Variants in GPT2 observed in about 807,000 individuals in gnomAD.
GPT2 encodes alanine aminotransferase 2.
Under a neutral mutation model 56.9 loss-of-function variants are expected in GPT2, and 30 were observed. That is an observed-to-expected ratio of 0.53 (90% CI 0.39 to 0.72). The LOEUF (loss-of-function observed/expected upper bound fraction) is 0.72. GPT2 is among the 30% of genes least tolerant of loss of function. GPT2 has a pLI of 0.00. For missense variants in GPT2, 542 were observed against 703.4 expected, an observed-to-expected ratio of 0.77 and a Z score of 2.60; for synonymous variants, 271 against 283.1, an observed-to-expected ratio of 0.96 and a Z score of 0.43.
chr16:46,913,229 T>C (rs1961079117), intron 6 of GPT2, among the ~76,000 whole-genome samples: 1 of 152,244 alleles, frequency 6.6e-6, no homozygotes, highest in Non-Finnish European at 1.5e-5. Flanking sequence ...TCTCATTTCC[T>C]TTACTGGGCT....
In GPT2 at chr16:46,918,678, C is replaced by T; in HGVS notation, c.958C>T (p.Leu320=). 1 of 1,614,188 alleles carries T rather than the reference C, an allele frequency of 6.2e-7. No homozygotes were observed. The highest frequency in any genetic ancestry group is 8.5e-7 in the Non-Finnish European group (1 of 1,180,012). Residue 320 remains leucine, a synonymous_variant, in exon 8 of 12, where the codon CTG becomes TTG. Transcript: ENST00000340124. ...CAGATTCCACTCCTTCAAGAAGGTG[C>T]TGTACGAGATGGGGCCCGAGTACTC... is the stretch of plus-strand genomic sequence containing the variant. ...DCRFHSFKKV[L]YEMGPEYSSN...
At position 46,898,949 on chromosome 16, in the gene GPT2, T is replaced by TAC. The variant is rs1444755621; in HGVS notation, c.333+1213_333+1214insCA. ...ATATGTGTATATATATACACACACA[T>TAC]ATATGTGTATATATATACACACACA... On this transcript the variant is annotated intron_variant, in intron 3 of 11. Coordinates refer to ENST00000340124, the MANE Select transcript of GPT2 (RefSeq NM_133443.4). Among the ~76,000 whole-genome samples the TAC allele has an allele frequency of 4.2e-4, 58 of 138,176 alleles. 1 individual carries two copies. Among genetic ancestry groups the TAC allele is most frequent in the Non-Finnish European group, 1.9e-4 (12 of 64,746 alleles). 90.6% of individuals were successfully genotyped at this position (138,176 alleles called of 152,430 possible). A position where few individuals can be genotyped will look rare whatever the true frequency, so the allele number is the denominator to read the frequency against.
At chr16:46,928,825 C>T in intron 11 of GPT2, 82 bp from the exon 12 acceptor site, 3 of 1,045,638 alleles carry the variant, frequency 2.9e-6, no homozygotes, top group Non-Finnish European at 4.5e-6. Context: ...CTCTTCCATT[C>T]CTAGAGGCAG....
intron 4 of GPT2, among the ~76,000 whole-genome samples, chr16:46,904,204 A>G (rs1374495360): frequency 7.9e-5 from 12 of 152,200 alleles, no homozygotes; most frequent in Admixed American, 7.9e-4. Context: ...CCCTGGAGGA[A>G]CCAAGAGTCA....
intron 11 of GPT2, 26 bp downstream of exon 11, chr16:46,927,063 G>C (rs371636142): frequency 7.0e-7 from 1 of 1,423,584 alleles, no homozygotes; most frequent in Non-Finnish European, 9.7e-7. Flanking sequence ...CGCACTAGGG[G>C]CTGGTCCGGG....
intron 8 of GPT2, among the ~76,000 whole-genome samples, chr16:46,920,032 C>T (rs908286531): frequency 2.6e-5 from 4 of 152,136 alleles, no homozygotes; most frequent in African/African-American, 7.2e-5. Context: ...TATAGCAAGA[C>T]CCCTTCTCTA....
In GPT2 at chr16:46,927,038, G is replaced by A. The variant is rs1270657323; in HGVS notation, c.1481+1G>A. The A allele has an allele frequency of 6.3e-7, 1 of 1,576,136 alleles. No homozygotes were observed. Among genetic ancestry groups the A allele is most frequent in the Admixed American group, 1.9e-5 (1 of 53,428 alleles). Reference sequence around the variant, plus strand: ...AGAGGGAAGGCACTTACCACTTCAGGTATGACTTCCTCTCCGCACTAGGGG... The same window carrying A: ...AGAGGGAAGGCACTTACCACTTCAGATATGACTTCCTCTCCGCACTAGGGG... On this transcript the variant is annotated splice_donor_variant, in intron 11 of 11. Coordinates refer to ENST00000340124, the MANE Select transcript of GPT2 (RefSeq NM_133443.4). LOFTEE classifies it high-confidence loss of function.
intron 2 of GPT2, 47 bp downstream of exon 2, chr16:46,885,005 GA>G (rs1960456381): frequency 7.1e-7 from 1 of 1,417,080 alleles, no homozygotes. Flanking sequence ...CTGAGCAAGG[GA>G]AAAACCGCAG....
At chr16:46,885,608 C>A in intron 2 of GPT2, 1 of 925,102 alleles carries the variant, frequency 1.1e-6, no homozygotes, top group Non-Finnish European at 1.3e-6. Flanking sequence ...GCCTGTCGGG[C>A]TTTGGTAAGG....
intron 6 of GPT2, among the ~76,000 whole-genome samples, chr16:46,914,026 C>T (rs1331341181): frequency 6.6e-6 from 1 of 152,160 alleles, no homozygotes; most frequent in African/African-American, 2.4e-5. Flanking sequence ...ACAAACATAG[C>T]CCTTGTTAAG....
Position 46,930,766 on chromosome 16 carries a change from G to A in GPT2, c.*1769G>A, listed in dbSNP as rs1047607202. 1 of 152,566 alleles carries A rather than the reference G, an allele frequency of 6.6e-6. No individual in the cohort carries two copies. The highest frequency in any genetic ancestry group is 6.5e-5 in the Admixed American group (1 of 15,268). 9.5% of individuals were successfully genotyped at this position (152,566 alleles called of 1,614,324 possible). On this transcript the variant is annotated 3_prime_UTR_variant, in exon 12 of 12. Coordinates refer to ENST00000340124, the MANE Select transcript of GPT2 (RefSeq NM_133443.4). ...AGTATTTATAGTCCTAACAAGTCCA[G>A]TAATTTTTTATAAATCTTCAGATTA...
intron 4 of GPT2, 67 bp from the exon 5 acceptor site, chr16:46,906,760 CTAATTATATGGATGT>C: frequency 6.4e-7 from 1 of 1,555,798 alleles, no homozygotes; most frequent in Non-Finnish European, 8.8e-7. Context: ...AGGCATCCCT[CTAATTATATGGATGT>C]TAATTATATT....
In GPT2 at chr16:46,894,811, G is replaced by A. The variant is rs191083193; in HGVS notation, c.244-2837G>A. On this transcript the variant is annotated intron_variant, in intron 2 of 11. Coordinates refer to ENST00000340124, the MANE Select transcript of GPT2 (RefSeq NM_133443.4). The stretch of plus-strand genomic sequence containing the variant: ...GTCCCGAGTAGCTGGGACTACAGGC[G>A]CCCGCCCCCACGCCTGGCTAAGTTT... 5.6e-3 allele frequency among the ~76,000 whole-genome samples: 845 copies of A among 152,160 alleles called. 4 individuals carry two copies. Among genetic ancestry groups the A allele is most frequent in the Non-Finnish European group, 6.6e-3 (450 of 67,986 alleles).
At chr16:46,901,873 G>T (rs559082471) in intron 4 of GPT2, among the ~76,000 whole-genome samples, 13 of 152,356 alleles carry the variant, frequency 8.5e-5, no homozygotes, top group African/African-American at 2.9e-4. Context: ...GTGGGCTGGG[G>T]CCTTGTGTGC....
intron 2 of GPT2, among the ~76,000 whole-genome samples, chr16:46,893,209 C>T (rs1161742700): frequency 6.6e-6 from 1 of 152,228 alleles, no homozygotes; most frequent in Non-Finnish European, 1.5e-5. Flanking sequence ...CGGCTCACTG[C>T]AGGCTCCGCC....
Position 46,900,710 on chromosome 16 carries a change from T to C in GPT2, c.362T>C (p.Leu121Pro). ...ATGGCACTATGCACCTACCCAAACC[T>C]GCTGGACAGCCCCAGCTTCCCAGAA... ...QVMALCTYPNLLDSPSFPEDA... is the reference protein window; with the variant it reads ...QVMALCTYPNPLDSPSFPEDA... Residue 121 changes from leucine to proline, a missense_variant, in exon 4 of 12, where the codon CTG (leucine) becomes CCG (proline). Coordinates refer to ENST00000340124, the MANE Select transcript of GPT2 (RefSeq NM_133443.4). 1 of 1,614,018 alleles carries C rather than the reference T, an allele frequency of 6.2e-7. No individual in the cohort carries two copies. The highest frequency in any genetic ancestry group is 8.5e-7 in the Non-Finnish European group (1 of 1,179,924).
Position 46,897,182 on chromosome 16 carries a change from C to G in GPT2, c.244-466C>G, listed in dbSNP as rs554760041. On this transcript the variant is annotated intron_variant, in intron 2 of 11. Coordinates refer to ENST00000340124, the MANE Select transcript of GPT2 (RefSeq NM_133443.4). ...TGGATCACATGAGTTGGAGACCAGC[C>G]TGGCCAACACGTTGAAATCCTGTCT... 2.1e-3 allele frequency among the ~76,000 whole-genome samples: 321 copies of G among 152,302 alleles called. 2 individuals are homozygous for G. The highest frequency in any genetic ancestry group is 2.5e-3 in the Non-Finnish European group (169 of 68,024).
chr16:46,918,814 C>T (rs534924427), intron 8 of GPT2, 57 bp downstream of exon 8: 15 of 1,597,100 alleles, frequency 9.4e-6, no homozygotes, highest in Admixed American at 5.0e-5. Flanking sequence ...CTCACGCTGC[C>T]GGCTCCTCTG....
intron 4 of GPT2, among the ~76,000 whole-genome samples, chr16:46,906,270 C>G (rs535112139): frequency 6.6e-6 from 1 of 152,230 alleles, no homozygotes; most frequent in African/African-American, 2.4e-5. Flanking sequence ...TGAGGTTTCA[C>G]CACATTGACC....
Sources: gnomAD v4.1 joint callset for allele counts (sites outside exome capture counted in the v4.1 genomes callset) on GRCh38, gnomAD v4.1.1 for gene constraint, MANE v1.5 for transcripts, NCBI Gene and HGNC (gene_info 2026-07-23, HGNC 2026-07-21) for gene names.